The following ORC4 variants were observed in gnomAD, a reference collection of about 807,000 sequenced individuals.
ORC4 encodes origin recognition complex subunit 4, also known as origin recognition complex, subunit 4 homolog.
A neutral mutation model predicts 63.9 loss-of-function variants in ORC4; 55 were observed. That is an observed-to-expected ratio of 0.86 (90% CI 0.69 to 1.08). The LOEUF (loss-of-function observed/expected upper bound fraction) is 1.08, where lower values mean the gene tolerates loss of function less well. Ranked by LOEUF, ORC4 falls within the 50% of genes least tolerant of loss-of-function variation. ORC4 has a pLI of 0.00. For missense variants in ORC4, 511 were observed against 504.4 expected, an observed-to-expected ratio of 1.01 and a Z score of -0.13; for synonymous variants, 150 against 168.5, an observed-to-expected ratio of 0.89 and a Z score of 0.85.
intron 11 of ORC4, 82 bp from the exon 12 acceptor site, chr2:147,938,475 G>A (rs775283585): frequency 3.6e-6 from 3 of 843,364 alleles, no homozygotes; most frequent in Non-Finnish European, 6.2e-6. Context: ...ACAATATAGT[G>A]AAAGATCTAT....
chr2:147,940,917 G>C (rs1236367702), intron 10 of ORC4, among the ~76,000 whole-genome samples: 1 of 151,988 alleles, frequency 6.6e-6, no homozygotes, highest in Non-Finnish European at 1.5e-5. Flanking sequence ...TTTTAGAGTT[G>C]AAGCCCATCT....
intron 1 of ORC4, among the ~76,000 whole-genome samples, chr2:147,991,816 C>A (rs1177907383): frequency 6.6e-6 from 1 of 152,076 alleles, no homozygotes; most frequent in East Asian, 1.9e-4. Flanking sequence ...CAAGACAGAG[C>A]AAGACTCCGT....
chr2:148,019,104 G>A (rs989325070), intron 1 of ORC4, among the ~76,000 whole-genome samples: 4 of 151,724 alleles, frequency 2.6e-5, no homozygotes, highest in Admixed American at 6.6e-5. Context: ...TATAAAGACA[G>A]ACAATTGGTT....
At chr2:147,957,307 A>G (rs747208840) in intron 6 of ORC4, among the ~76,000 whole-genome samples, 2 of 150,230 alleles carry the variant, frequency 1.3e-5, no homozygotes, top group Non-Finnish European at 3.0e-5. Flanking sequence ...TTAAAGAAAG[A>G]AACTCATAAA....
At chr2:147,978,097 C>T (rs1200736324) in intron 1 of ORC4, among the ~76,000 whole-genome samples, 3 of 152,108 alleles carry the variant, frequency 2.0e-5, no homozygotes, top group African/African-American at 4.8e-5. Flanking sequence ...CTATGGACAG[C>T]CCCATCTCCC....
chr2:148,001,368 T>C (rs1272716903), intron 1 of ORC4, among the ~76,000 whole-genome samples: 1 of 151,884 alleles, frequency 6.6e-6, no homozygotes, highest in Admixed American at 6.6e-5. Flanking sequence ...GAGCCGAATG[T>C]TATTTTAGAA....
intron 1 of ORC4, among the ~76,000 whole-genome samples, chr2:148,002,279 G>A (rs1304324058): frequency 1.3e-5 from 2 of 152,106 alleles, no homozygotes; most frequent in Non-Finnish European, 2.9e-5. Context: ...GACATCTACA[G>A]AACTCTCCAC....
At chr2:147,996,102 G>A (rs1407784171) in intron 1 of ORC4, among the ~76,000 whole-genome samples, 4 of 152,042 alleles carry the variant, frequency 2.6e-5, no homozygotes, top group African/African-American at 4.8e-5. Context: ...CAAGAGATCC[G>A]AGACCATCCT....
intron 11 of ORC4, 85 bp from the exon 12 acceptor site, chr2:147,938,478 A>G: frequency 2.4e-6 from 2 of 830,896 alleles, no homozygotes; most frequent in South Asian, 2.7e-5. Context: ...ATATAGTGAA[A>G]GATCTATGGT....
chr2:147,937,122 A>G (rs1688098024), intron 13 of ORC4: 1 of 152,096 alleles, frequency 6.6e-6, no homozygotes, highest in Admixed American at 6.6e-5. Context: ...CCAGTATTGT[A>G]AAATACTTTT....
In ORC4 at chr2:147,973,684, G is replaced by A. The variant is rs17225381; in HGVS notation, c.58-160C>T. 0.015 allele frequency among the ~76,000 whole-genome samples: 1,931 copies of A among 132,622 alleles called. 47 individuals are homozygous for A. The highest frequency in any genetic ancestry group is 0.049 in the African/African-American group (1,829 of 37,610). 87.0% of individuals were successfully genotyped at this position (132,622 alleles called of 152,430 possible). ...TAGAGTTCTGGCACCATTTTCATATGTTAAAAAATTAATGGATTTCTTACC... is the reference window on the plus strand; with the variant it reads ...TAGAGTTCTGGCACCATTTTCATATATTAAAAAATTAATGGATTTCTTACC... On this transcript the variant is annotated intron_variant, in intron 2 of 13. Coordinates refer to ENST00000392857, the MANE Select transcript of ORC4 (RefSeq NM_181741.4).
At chr2:148,006,428 G>C (rs919189400) in intron 1 of ORC4, among the ~76,000 whole-genome samples, 1 of 152,164 alleles carries the variant, frequency 6.6e-6, no homozygotes, top group Non-Finnish European at 1.5e-5. Context: ...GTACTGCACT[G>C]GCCTTGGAGG....
intron 1 of ORC4, among the ~76,000 whole-genome samples, chr2:147,989,345 C>T (rs1357579812): frequency 6.6e-6 from 1 of 152,054 alleles, no homozygotes; most frequent in Non-Finnish European, 1.5e-5. Context: ...GGCCTGCATA[C>T]CTCAGAGCTC....
At chr2:147,938,734 A>G (rs964983403) in intron 11 of ORC4, 6 of 335,134 alleles carry the variant, frequency 1.8e-5, no homozygotes, top group Non-Finnish European at 2.8e-5. Context: ...GCCTTTGCGT[A>G]GGATTTATCT....
chr2:147,944,884 C>T (rs1688571521), intron 9 of ORC4, among the ~76,000 whole-genome samples: 1 of 151,918 alleles, frequency 6.6e-6, no homozygotes, highest in Non-Finnish European at 1.5e-5. Flanking sequence ...GCTATTGTTT[C>T]TAGTCTTCTC....
intron 8 of ORC4, chr2:147,951,485 G>C (rs1688956363): frequency 6.6e-6 from 1 of 152,140 alleles, no homozygotes; most frequent in Non-Finnish European, 1.5e-5. Flanking sequence ...ATTAGTTCTT[G>C]AGACAGTGAG....
Position 147,939,135 on chromosome 2 carries a change from C to T in ORC4, c.958+5G>A, listed in dbSNP as rs764747505. The T allele has an allele frequency of 1.2e-5, 19 of 1,538,272 alleles. No homozygotes were observed. On this transcript the variant is annotated splice_donor_5th_base_variant and intron_variant, in intron 11 of 13. Coordinates refer to ENST00000392857, the MANE Select transcript of ORC4 (RefSeq NM_181741.4). ...ACAATTTAAAAAATAAGGCTGGGTT[C>T]TCACCATGTACAATATTTGCTTTCG... is the stretch of plus-strand genomic sequence containing the variant.
At chr2:147,996,976 T>C (rs1382537930) in intron 1 of ORC4, among the ~76,000 whole-genome samples, 1 of 152,244 alleles carries the variant, frequency 6.6e-6, no homozygotes, top group Non-Finnish European at 1.5e-5. Context: ...GTTTTATTTA[T>C]AATTGCCAAA....
At chr2:147,989,586 A>C (rs1691449117) in intron 1 of ORC4, among the ~76,000 whole-genome samples, 1 of 151,994 alleles carries the variant, frequency 6.6e-6, no homozygotes, top group African/African-American at 2.4e-5. Flanking sequence ...CGTGCCTGTA[A>C]TCCCAGCTAC....
Sources: gnomAD v4.1 joint callset for allele counts (sites outside exome capture counted in the v4.1 genomes callset) on GRCh38, gnomAD v4.1.1 for gene constraint, MANE v1.5 for transcripts, NCBI Gene and HGNC (gene_info 2026-07-23, HGNC 2026-07-21) for gene names.